EFHB: variants seen among roughly 807,000 people sequenced by gnomAD.
EFHB encodes the protein EF-hand domain-containing family member B.
EFHB carries 91 observed loss-of-function variants against 87.2 expected under a neutral mutation model. The ratio of observed to expected loss-of-function variants is 1.04; its 90% confidence interval spans 0.88 to 1.24. EFHB has a LOEUF of 1.24. Among genes scored for constraint, EFHB ranks in the 50% most tolerant of loss-of-function variants. The probability of loss-of-function intolerance (pLI) is 0.00; values close to 1 mark genes in which losing one functional copy is unlikely to be tolerated. For synonymous variants in EFHB, 325 were observed against 333.6 expected (o/e 0.97, Z 0.28); for missense variants, 1,084 against 998.8 (o/e 1.09, Z -1.15).
At chr3:19,928,214 A>G (rs748760186) in intron 1 of EFHB, among the ~76,000 whole-genome samples, 33 of 152,062 alleles carry the variant, frequency 2.2e-4, no homozygotes, top group Non-Finnish European at 4.1e-4. Flanking sequence ...GGCCAAAAAT[A>G]TGAAGATGGT....
At chr3:19,895,647 T>G (rs570437518) in intron 9 of EFHB, among the ~76,000 whole-genome samples, 115 of 152,284 alleles carry the variant, frequency 7.6e-4, no homozygotes, top group Admixed American at 2.8e-3. Context: ...TTTATTGAGT[T>G]GGCTCCAAGC....
chr3:19,892,554 G>A lies in EFHB; in HGVS notation c.1726-3903C>T, dbSNP rs78833176. Among the ~76,000 whole-genome samples, 1,406 of 152,296 alleles carry A rather than the reference G, an allele frequency of 9.2e-3. 25 individuals carry two copies. Among genetic ancestry groups the A allele is most frequent in the African/African-American group, 0.032 (1,313 of 41,562 alleles). ...AATCCCGGGCCAGTAGGGTTGGTCCGCCCTTTTGGTAGCAACCAGGCATAA... is the reference window on the plus strand; with the variant it reads ...AATCCCGGGCCAGTAGGGTTGGTCCACCCTTTTGGTAGCAACCAGGCATAA... On this transcript the variant is annotated intron_variant, in intron 9 of 12. Transcript: ENST00000295824.
intron 3 of EFHB, 91 bp from the exon 4 acceptor site, chr3:19,918,503 T>C (rs1695317026): frequency 1.7e-6 from 2 of 1,168,566 alleles, no homozygotes; most frequent in Non-Finnish European, 2.3e-6. Flanking sequence ...GAGAGGAGAC[T>C]GTACGATTGT....
chr3:19,936,730 T>C (rs2125170371), upstream of EFHB, among the ~76,000 whole-genome samples: 1 of 151,910 alleles, frequency 6.6e-6, no homozygotes, highest in South Asian at 2.1e-4. Context: ...GAGCTGGACA[T>C]GGTGGCCAGC....
intron 4 of EFHB, among the ~76,000 whole-genome samples, chr3:19,916,441 G>A (rs539787165): frequency 6.6e-6 from 1 of 152,140 alleles, no homozygotes; most frequent in East Asian, 1.9e-4. Context: ...CTTGAACCTG[G>A]GAGGCAGAGG....
chr3:19,904,049 A>G (rs1326382939), intron 6 of EFHB, among the ~76,000 whole-genome samples: 1 of 152,218 alleles, frequency 6.6e-6, no homozygotes, highest in Non-Finnish European at 1.5e-5. Context: ...ATTGTCACAG[A>G]GACAAAATAG....
intron 1 of EFHB, chr3:19,946,229 A>C (rs1056096728): frequency 6.6e-6 from 1 of 152,238 alleles, no homozygotes; most frequent in Admixed American, 6.5e-5. Flanking sequence ...CAAGTTACTC[A>C]ATCTCTTGTG....
chr3:19,892,889 T>TAAAATAATAAG (rs79080019), intron 9 of EFHB, among the ~76,000 whole-genome samples: 16,308 of 147,538 alleles, frequency 0.11, 1,070 homozygotes, highest in South Asian at 0.24. Flanking sequence ...AATAAAATAA[T>TAAAATAATAAG]ATAAAATCAG....
At chr3:19,908,594 G>GAAAA in intron 5 of EFHB, among the ~76,000 whole-genome samples, 1 of 91,408 alleles carries the variant, frequency 1.1e-5, no homozygotes, top group South Asian at 3.8e-4. Flanking sequence ...GAGAGAGAGA[G>GAAAA]AGAGAGAAAG....
In EFHB at chr3:19,939,370, C is replaced by CTTTTTTTTTTTTTTTTTTT. The variant is rs147510880; in HGVS notation, c.-31-3055_-31-3037dup. On this transcript the variant is annotated intron_variant, in intron 1 of 14. Coordinates refer to the EFHB transcript ENST00000344838. ...TGCCACTCAAACTGGGTTGGGTCTCCTTTTTTTTTTTTTTTTTTTTTTTTT... is the reference window on the plus strand; with the variant it reads ...TGCCACTCAAACTGGGTTGGGTCTCCTTTTTTTTTTTTTTTTTTTTTTTTTTTTTTTTTTTTTTTTTTTT... Among the ~76,000 whole-genome samples, 3 of 64,582 alleles carry CTTTTTTTTTTTTTTTTTTT rather than the reference C, an allele frequency of 4.6e-5. 1 individual carries two copies. Among genetic ancestry groups the CTTTTTTTTTTTTTTTTTTT allele is most frequent in the Non-Finnish European group, 8.3e-5 (3 of 36,256 alleles). The allele number at this position is 64,582 out of a possible 152,430, so 42.4% of individuals were successfully genotyped here.
Position 19,919,908 on chromosome 3 carries a change from T to G in EFHB, c.921A>C (p.Val307=), listed in dbSNP as rs779624874. 2 of 1,613,688 alleles carry G rather than the reference T, an allele frequency of 1.2e-6. No individual in the cohort carries two copies. The highest frequency in any genetic ancestry group is 1.7e-6 in the Non-Finnish European group (2 of 1,179,774). Residue 307 remains valine, a synonymous_variant, in exon 3 of 13, where the codon GTA becomes GTC. Coordinates refer to ENST00000295824, the MANE Select transcript of EFHB (RefSeq NM_144715.4). ...GGGGATCATTTGCTCTTCCGTAAAA[T>G]ACTCTTTCTACTCCAGCAGGTGGAT... The part of the protein sequence containing the change: ...FRYPPAGVER[V]FYGRANDPQI...
chr3:19,889,869 C>G (rs1289661377), intron 9 of EFHB, among the ~76,000 whole-genome samples: 1 of 152,154 alleles, frequency 6.6e-6, no homozygotes, highest in African/African-American at 2.4e-5. Flanking sequence ...TGCCTGTAAT[C>G]CCAGCTACTC....
At chr3:19,898,981 C>T in intron 7 of EFHB, 136 bp from the exon 8 acceptor site, 1 of 770,950 alleles carries the variant, frequency 1.3e-6, no homozygotes, top group Non-Finnish European at 2.1e-6. Context: ...CAAAAGTTCT[C>T]CAATAGATCT....
chr3:19,940,798 T>C (rs1696140523), intron 1 of EFHB: 2 of 367,600 alleles, frequency 5.4e-6, no homozygotes, highest in Admixed American at 3.4e-5. Flanking sequence ...GGTATGCCTG[T>C]GAGTTGAAAC....
At chr3:19,905,034 A>G (rs527635656) in intron 6 of EFHB, among the ~76,000 whole-genome samples, 1 of 152,364 alleles carries the variant, frequency 6.6e-6, no homozygotes, top group East Asian at 1.9e-4. Context: ...TAAAAAGGTC[A>G]CAATTTGAAA....
chr3:19,879,648 A>G lies in EFHB; in HGVS notation c.2485T>C (p.Cys829Arg). 6.3e-7 allele frequency: 1 copy of G among 1,589,996 alleles called. No individual in the cohort carries two copies. The highest frequency in any genetic ancestry group is 8.5e-7 in the Non-Finnish European group (1 of 1,171,494). The change falls in exon 13 of 13, where the codon TGT (cysteine) becomes CGT (arginine). Residue 829 changes from cysteine to arginine, a missense_variant. Coordinates refer to ENST00000295824, the MANE Select transcript of EFHB (RefSeq NM_144715.4). ...CAAAAATATCACATGAGTGTTTTAC[A>G]CTTGATCCGGTCTGCATGCCGTAGC... ...DELRHADRIKCKTLM is the reference protein window; with the variant it reads ...DELRHADRIKRKTLM
At chr3:19,894,891 G>A (rs1266283134) in intron 9 of EFHB, 1 of 151,872 alleles carries the variant, frequency 6.6e-6, no homozygotes, top group Non-Finnish European at 1.5e-5. Context: ...GGCTGAGGCA[G>A]GAGAATCGCT....
intron 10 of EFHB, among the ~76,000 whole-genome samples, chr3:19,885,398 C>G (rs1171314737): frequency 6.6e-6 from 1 of 152,132 alleles, no homozygotes; most frequent in African/African-American, 2.4e-5. Flanking sequence ...TCACTGTGAG[C>G]TCAAGAACTG....
intron 1 of EFHB, among the ~76,000 whole-genome samples, chr3:19,920,847 T>C (rs1382586027): frequency 6.6e-6 from 1 of 152,194 alleles, no homozygotes; most frequent in East Asian, 1.9e-4. Flanking sequence ...CTGTGACATG[T>C]TGAGGAATTC....
Sources: allele counts gnomAD v4.1 joint callset (sites outside exome capture counted in the v4.1 genomes callset), GRCh38; gene constraint gnomAD v4.1.1; transcripts MANE v1.5; gene names NCBI Gene and HGNC (gene_info 2026-07-23, HGNC 2026-07-21).